The following S100Z variants were observed in gnomAD, a reference collection of about 807,000 sequenced individuals.
The protein encoded by S100Z is S100 calcium binding protein Z.
A neutral mutation model predicts 8.5 loss-of-function variants in S100Z; 11 were observed. That is an observed-to-expected ratio of 1.30 (90% CI 0.82 to 2.15). The LOEUF is 2.15. Ranked by LOEUF, S100Z falls within the 30% of genes most tolerant of loss-of-function variation. The probability of loss-of-function intolerance (pLI) is 0.00; values close to 1 mark genes in which losing one functional copy is unlikely to be tolerated. For missense variants in S100Z, 126 were observed against 117.9 expected (o/e 1.07, Z -0.32); for synonymous variants, 34 against 43.8 (o/e 0.78, Z 0.89).
intron 1 of S100Z, among the ~76,000 whole-genome samples, chr5:76,853,848 G>A (rs1750800936): frequency 6.6e-6 from 1 of 151,998 alleles, no homozygotes; most frequent in Non-Finnish European, 1.5e-5. Flanking sequence ...GGGGCTTGGT[G>A]GGAGGTGACT....
chr5:76,880,383 TG>T (rs1231185524), intron 4 of S100Z, among the ~76,000 whole-genome samples: 1 of 151,924 alleles, frequency 6.6e-6, no homozygotes, highest in Non-Finnish European at 1.5e-5. Flanking sequence ...AGTGGTGAAG[TG>T]TTGGGGTGGC....
Position 76,921,215 on chromosome 5 carries a change from A to G in S100Z, c.*501A>G, listed in dbSNP as rs935191869. The G allele has an allele frequency of 6.6e-6, 1 of 152,256 alleles. No homozygotes were observed. Among genetic ancestry groups the G allele is most frequent in the African/African-American group, 2.4e-5 (1 of 41,468 alleles). 9.4% of individuals were successfully genotyped at this position (152,256 alleles called of 1,614,324 possible). A position where few individuals can be genotyped will look rare whatever the true frequency, so the allele number is the denominator to read the frequency against. On this transcript the variant is annotated 3_prime_UTR_variant, in exon 5 of 5. Coordinates refer to ENST00000317593, the MANE Select transcript of S100Z (RefSeq NM_130772.4). ...TCTATATAGTTCCAGCTTAATAAAT[A>G]TACAACTGTATTATTATTTTTGTCT... is the stretch of plus-strand genomic sequence containing the variant.
chr5:76,923,042 A>G (rs980315396), downstream of S100Z, among the ~76,000 whole-genome samples: 1 of 152,156 alleles, frequency 6.6e-6, no homozygotes, highest in African/African-American at 2.4e-5. Flanking sequence ...CTTCTAAAAA[A>G]ACACAATACC....
intron 1 of S100Z, among the ~76,000 whole-genome samples, chr5:76,850,523 C>T (rs1750697938): frequency 6.6e-6 from 1 of 152,168 alleles, no homozygotes; most frequent in South Asian, 2.1e-4. Context: ...TTGTCCAGGC[C>T]AAAGACCCAG....
intron 4 of S100Z, among the ~76,000 whole-genome samples, chr5:76,888,367 ATTT>A (rs1171043164): frequency 1.3e-4 from 6 of 45,434 alleles, no homozygotes; most frequent in African/African-American, 5.4e-4. Context: ...AAGTGCTGGT[ATTT>A]TTTTTTTTTT....
At chr5:76,908,990 C>G (rs1352866734) in intron 4 of S100Z, among the ~76,000 whole-genome samples, 1 of 152,130 alleles carries the variant, frequency 6.6e-6, no homozygotes, top group African/African-American at 2.4e-5. Flanking sequence ...ATCCAACCTT[C>G]TTTGGTCCTC....
chr5:76,916,088 G>A (rs947814552), intron 4 of S100Z, among the ~76,000 whole-genome samples: 37 of 151,014 alleles, frequency 2.5e-4, no homozygotes, highest in African/African-American at 7.8e-4. Context: ...TTGAACCCAG[G>A]AGGTGGAGGT....
intron 4 of S100Z, among the ~76,000 whole-genome samples, chr5:76,906,468 T>A (rs181968767): frequency 6.6e-6 from 1 of 152,180 alleles, no homozygotes; most frequent in East Asian, 1.9e-4. Flanking sequence ...GCTACTATCA[T>A]TGTACTTTCT....
intron 1 of S100Z, among the ~76,000 whole-genome samples, chr5:76,863,827 T>C (rs113809049): frequency 0.016 from 2,405 of 152,304 alleles, 43 homozygotes; most frequent in African/African-American, 0.037. Flanking sequence ...TGTGAGCCAC[T>C]GCGCCCGGCC....
At chr5:76,900,362 A>C (rs1744188531) in intron 4 of S100Z, among the ~76,000 whole-genome samples, 1 of 151,274 alleles carries the variant, frequency 6.6e-6, no homozygotes. Flanking sequence ...TAAGGCTAAT[A>C]ATCTTACATG....
chr5:76,883,460 G>T (rs1743486153), intron 4 of S100Z, among the ~76,000 whole-genome samples: 1 of 152,296 alleles, frequency 6.6e-6, no homozygotes, highest in Middle Eastern at 3.4e-3. Context: ...AGGTTTAGAA[G>T]CCTGGCCGTC....
chr5:76,886,993 G>A (rs1427384786), intron 4 of S100Z, among the ~76,000 whole-genome samples: 4 of 152,164 alleles, frequency 2.6e-5, no homozygotes, highest in African/African-American at 9.7e-5. Context: ...GGATATGATG[G>A]CTTAGCTTGG....
chr5:76,864,386 A>ATTTTTTTTTTTTTTTTT (rs56206322), intron 1 of S100Z, among the ~76,000 whole-genome samples: 1 of 72,174 alleles, frequency 1.4e-5, no homozygotes, highest in Non-Finnish European at 2.5e-5. Flanking sequence ...TGCATACTAT[A>ATTTTTTTTTTTTTTTTT]TTTTTTTTTT....
At chr5:76,949,518 T>A in the S100Z span, among the ~76,000 whole-genome samples, 1 of 152,230 alleles carries the variant, frequency 6.6e-6, no homozygotes, top group Non-Finnish European at 1.5e-5. Flanking sequence ...TGCATTCCTA[T>A]GTTCGTTGCA....
At chr5:76,924,897 A>T (rs1215637212), downstream of S100Z, among the ~76,000 whole-genome samples, 1 of 143,038 alleles carries the variant, frequency 7.0e-6, no homozygotes, top group Non-Finnish European at 1.5e-5. Flanking sequence ...TGGGCAACAG[A>T]GCGAGACTCT....
At chr5:76,894,884 C>T (rs999849996) in intron 4 of S100Z, among the ~76,000 whole-genome samples, 2 of 152,110 alleles carry the variant, frequency 1.3e-5, no homozygotes, top group Non-Finnish European at 2.9e-5. Context: ...CCACCGCGCC[C>T]ACCCTAAATT....
chr5:76,896,987 G>C (rs1234928806), intron 4 of S100Z, among the ~76,000 whole-genome samples: 1 of 152,002 alleles, frequency 6.6e-6, no homozygotes. Context: ...TTTGTTTCCG[G>C]GTTCTCTATT....
intron 4 of S100Z, among the ~76,000 whole-genome samples, chr5:76,878,399 A>C (rs1481180080): frequency 6.6e-6 from 1 of 152,138 alleles, no homozygotes; most frequent in Non-Finnish European, 1.5e-5. Flanking sequence ...TGGCATATAA[A>C]TACCCTCCTT....
intron 4 of S100Z, among the ~76,000 whole-genome samples, chr5:76,899,952 C>A (rs571741443): frequency 6.6e-6 from 1 of 152,170 alleles, no homozygotes; most frequent in Non-Finnish European, 1.5e-5. Context: ...AATCCCCCAG[C>A]TTTTGTTTGG....
Sources: gnomAD v4.1 joint callset for allele counts (sites outside exome capture counted in the v4.1 genomes callset) on GRCh38, gnomAD v4.1.1 for gene constraint, MANE v1.5 for transcripts, NCBI Gene and HGNC (gene_info 2026-07-23, HGNC 2026-07-21) for gene names.